Variants in SYTL5 observed in about 807,000 individuals in gnomAD.
SYTL5 encodes synaptotagmin-like protein 5.
Under a neutral mutation model 55.9 loss-of-function variants are expected in SYTL5, and 34 were observed. The ratio of observed to expected loss-of-function variants is 0.61; its 90% CI spans 0.46 to 0.81. The LOEUF is 0.81. SYTL5 is among the 30% of genes least tolerant of loss of function. SYTL5 has a pLI of 0.00. For synonymous variants in SYTL5, 221 were observed against 188.7 expected (o/e 1.17, Z -1.40); for missense variants, 637 against 546.7 (o/e 1.17, Z -1.65).
chrX:37,891,618 G>A, the SYTL5 span, among the ~76,000 whole-genome samples: 35 of 111,504 alleles, frequency 3.1e-4, no homozygotes, highest in South Asian at 0.012. Context: ...GGTGAATTGC[G>A]TGTTATGTAA....
intron 2 of SYTL5, among the ~76,000 whole-genome samples, chrX:38,038,686 A>G (rs779676886): frequency 4.5e-5 from 5 of 112,103 alleles, no homozygotes; most frequent in Non-Finnish European, 9.4e-5. Flanking sequence ...ATATAGGTCA[A>G]CTATGTTTTG....
the SYTL5 span, among the ~76,000 whole-genome samples, chrX:37,956,751 G>T: frequency 7.4e-3 from 827 of 111,829 alleles, 4 homozygotes; most frequent in Non-Finnish European, 0.012. Context: ...TATGAGCATG[G>T]GAGCGCAGAT....
At chrX:37,967,251 C>T in the SYTL5 span, among the ~76,000 whole-genome samples, 1 of 111,272 alleles carries the variant, frequency 9.0e-6, no homozygotes, top group African/African-American at 3.3e-5. Context: ...GGGGTTTTAC[C>T]ATGTTGGCCA....
intron 6 of SYTL5, among the ~76,000 whole-genome samples, chrX:38,085,320 A>C (rs1294946636): frequency 2.7e-5 from 3 of 111,190 alleles, no homozygotes; most frequent in African/African-American, 9.8e-5. Context: ...CCATGTGACT[A>C]GCCTCAGTAT....
At chrX:38,051,612 C>A (rs948378818) in intron 2 of SYTL5, among the ~76,000 whole-genome samples, 1 of 111,836 alleles carries the variant, frequency 8.9e-6, no homozygotes, top group African/African-American at 3.3e-5. Flanking sequence ...TAAAGGTTTT[C>A]TTTTCCTCTT....
intron 7 of SYTL5, among the ~76,000 whole-genome samples, chrX:38,092,927 G>T (rs1390856931): frequency 8.9e-6 from 1 of 111,853 alleles, no homozygotes; most frequent in Non-Finnish European, 1.9e-5. Flanking sequence ...TGGCCTATTA[G>T]TGCTCAATAC....
the SYTL5 span, chrX:37,991,011 G>A: frequency 3.3e-6 from 4 of 1,210,238 alleles, no homozygotes; most frequent in Admixed American, 2.2e-5. Flanking sequence ...TACCTTGCTC[G>A]ATTGCCTTGC....
the SYTL5 span, among the ~76,000 whole-genome samples, chrX:37,897,078 G>T: frequency 1.6e-4 from 18 of 111,897 alleles, no homozygotes; most frequent in Non-Finnish European, 2.3e-4. Context: ...GGTTATTTAA[G>T]AGAAGAACAT....
chrX:38,017,131 A>T (rs73463450), intron 1 of SYTL5, among the ~76,000 whole-genome samples: 2 of 111,051 alleles, frequency 1.8e-5, no homozygotes, highest in African/African-American at 6.6e-5. Flanking sequence ...CTCAAAACCC[A>T]CTTCCTTCTT....
the SYTL5 span, among the ~76,000 whole-genome samples, chrX:37,963,289 G>GT: frequency 0.047 from 4,089 of 86,865 alleles, 95 homozygotes; most frequent in Non-Finnish European, 0.066. Flanking sequence ...GTTTTTGTGG[G>GT]TTTTTTTTTT....
intron 3 of SYTL5, among the ~76,000 whole-genome samples, chrX:38,056,096 TCC>T (rs1935771690): frequency 8.9e-6 from 1 of 111,886 alleles, no homozygotes; most frequent in African/African-American, 3.2e-5. Flanking sequence ...GTTAGCCATC[TCC>T]ACTTCCCTTG....
the SYTL5 span, among the ~76,000 whole-genome samples, chrX:37,939,415 T>A: frequency 8.9e-6 from 1 of 112,184 alleles, no homozygotes; most frequent in Non-Finnish European, 1.9e-5. Context: ...CTTCTATCCT[T>A]CCTCTGCTGT....
At chrX:37,909,775 A>G in the SYTL5 span, among the ~76,000 whole-genome samples, 4,759 of 109,717 alleles carry the variant, frequency 0.043, 265 homozygotes, top group African/African-American at 0.15. Context: ...CCCAGGTTCA[A>G]GCGATTCTCC....
upstream of SYTL5, among the ~76,000 whole-genome samples, chrX:38,002,844 T>C (rs1392193702): frequency 8.9e-6 from 1 of 112,029 alleles, no homozygotes; most frequent in Admixed American, 9.5e-5. Flanking sequence ...GTAGTTTTCT[T>C]TTGCTGTGCA....
At chrX:38,111,935 T>C (rs1937369908) in intron 13 of SYTL5, among the ~76,000 whole-genome samples, 1 of 111,820 alleles carries the variant, frequency 8.9e-6, no homozygotes, top group Non-Finnish European at 1.9e-5. Flanking sequence ...GAATGATATC[T>C]AAGCTCCCCT....
At chrX:38,126,334 C>G (rs992746271) in intron 16 of SYTL5, among the ~76,000 whole-genome samples, 8 of 112,432 alleles carry the variant, frequency 7.1e-5, no homozygotes. Flanking sequence ...TGAACCAGCT[C>G]TCTGCTAAAG....
intron 11 of SYTL5, among the ~76,000 whole-genome samples, chrX:38,107,691 C>G (rs1489145833): frequency 9.0e-6 from 1 of 111,451 alleles, no homozygotes; most frequent in Non-Finnish European, 1.9e-5. Flanking sequence ...TATGTTAACT[C>G]TTTTCTGCAC....
intron 6 of SYTL5, among the ~76,000 whole-genome samples, chrX:38,077,489 G>A (rs1032929801): frequency 9.0e-6 from 1 of 111,047 alleles, no homozygotes; most frequent in African/African-American, 3.3e-5. Flanking sequence ...AAGAATGCAA[G>A]CAGAATTGCA....
At chrX:38,002,587 G>A (rs1184928687), upstream of SYTL5, among the ~76,000 whole-genome samples, 2 of 112,072 alleles carry the variant, frequency 1.8e-5, no homozygotes, top group Non-Finnish European at 3.8e-5. Flanking sequence ...TCTCATTGTG[G>A]TTTTGATTTG....
Sources: allele counts gnomAD v4.1 joint callset (sites outside exome capture counted in the v4.1 genomes callset), GRCh38; gene constraint gnomAD v4.1.1; transcripts MANE v1.5; gene names NCBI Gene and HGNC (gene_info 2026-07-23, HGNC 2026-07-21).